Variants in PURG observed in about 807,000 individuals in gnomAD.
The protein encoded by PURG is purine-rich element-binding protein gamma.
Under a neutral mutation model 24.3 loss-of-function variants are expected in PURG, and 3 were observed. That is an observed-to-expected ratio of 0.12 (90% CI 0.06 to 0.32). PURG has a LOEUF of 0.32. PURG is among the 10% of genes least tolerant of loss of function. PURG has a pLI of 1.00. For missense variants in PURG, 371 were observed against 439.1 expected (o/e 0.84, Z 1.39); for synonymous variants, 180 against 173.1 (o/e 1.04, Z -0.31).
intron 1 of PURG, among the ~76,000 whole-genome samples, chr8:31,018,638 ATC>A (rs1265320406): frequency 6.6e-6 from 1 of 152,168 alleles, no homozygotes; most frequent in Non-Finnish European, 1.5e-5. Flanking sequence ...GTTTGTGACT[ATC>A]TCTGTTATGT....
exon 2 of PURG, chr8:30,996,600 T>A: frequency 2.5e-6 from 4 of 1,604,140 alleles, no homozygotes; most frequent in Non-Finnish European, 3.4e-6. Context: ...TCCTTATTCC[T>A]CAACTGTTTT....
chr8:31,017,878 T>C (rs1810907435), intron 1 of PURG, among the ~76,000 whole-genome samples: 1 of 152,220 alleles, frequency 6.6e-6, no homozygotes, highest in African/African-American at 2.4e-5. Flanking sequence ...GAATTTAATG[T>C]GAATTTTATA....
At chr8:31,010,181 C>T (rs1261156184) in intron 1 of PURG, among the ~76,000 whole-genome samples, 4 of 152,238 alleles carry the variant, frequency 2.6e-5, no homozygotes, top group Non-Finnish European at 4.4e-5. Context: ...ACTTATTATG[C>T]AAATGTAGTT....
intron 1 of PURG, among the ~76,000 whole-genome samples, chr8:31,003,818 A>T (rs1449495141): frequency 4.6e-5 from 7 of 152,152 alleles, no homozygotes. Context: ...TTTTTGTAAA[A>T]GTAAGAAAGT....
intron 1 of PURG, among the ~76,000 whole-genome samples, chr8:31,003,253 G>A (rs1014550579): frequency 2.0e-5 from 3 of 152,180 alleles, no homozygotes; most frequent in African/African-American, 4.8e-5. Context: ...GAAAAGGAAA[G>A]CACGTGTATT....
At chr8:31,005,813 C>T (rs1810636345) in intron 1 of PURG, among the ~76,000 whole-genome samples, 2 of 147,980 alleles carry the variant, frequency 1.4e-5, no homozygotes, top group South Asian at 2.1e-4. Context: ...CTTCAAATCA[C>T]CACATAGAGA....
chr8:31,020,666 T>C (rs149129636), intron 1 of PURG, among the ~76,000 whole-genome samples: 2 of 152,312 alleles, frequency 1.3e-5, no homozygotes, highest in African/African-American at 4.8e-5. Context: ...GGTCAACTTA[T>C]TAAAAAGTTG....
chr8:31,019,926 T>C (rs1481212038), intron 1 of PURG, among the ~76,000 whole-genome samples: 2 of 151,618 alleles, frequency 1.3e-5, no homozygotes, highest in Non-Finnish European at 1.5e-5. Flanking sequence ...ATCCCACCAC[T>C]TTGGGAGGCC....
chr8:31,032,329 G>A lies in PURG; in HGVS notation c.454C>T (p.His152Tyr), dbSNP rs781213690. Reference protein sequence around the residue: ...KEQGSRRRQKHSAPSPPVSVG... With the variant: ...KEQGSRRRQKYSAPSPPVSVG... ...GAGACTGGTGGGGAGGGTGCCGAGT[G>A]CTTCTGCCTCCTTCTGGAGCCTTGC... The change falls in exon 2 of 2, where the codon CAC (histidine) becomes TAC (tyrosine). Residue 152 changes from histidine to tyrosine, a missense_variant. This residue lies in a region of PURG where 213 missense variants were observed against 230.6 expected (regional missense o/e 0.92). Coordinates refer to ENST00000523392, the MANE Select transcript of PURG (RefSeq NM_001323311.2). The surrounding 1 kb of genome is among the most constrained non-coding windows in gnomAD (Gnocchi z 5.9). The A allele has an allele frequency of 2.5e-6, 4 of 1,613,024 alleles. No homozygotes were observed. In the South Asian group the frequency reaches 3.3e-5, roughly 13 times the overall value.
chr8:31,018,846 ATAT>A (rs1352748674), intron 1 of PURG, among the ~76,000 whole-genome samples: 1 of 151,978 alleles, frequency 6.6e-6, no homozygotes, highest in African/African-American at 2.4e-5. Flanking sequence ...ATAGTTATAG[ATAT>A]TATATAGATT....
chr8:31,029,132 G>T (rs117254693), downstream of PURG, among the ~76,000 whole-genome samples: 1,228 of 151,868 alleles, frequency 8.1e-3, 26 homozygotes, highest in East Asian at 0.069. Context: ...TTTTGAACTG[G>T]ATCATATTTA....
exon 2 of PURG, chr8:30,996,635 A>G: frequency 6.2e-7 from 1 of 1,612,210 alleles, no homozygotes; most frequent in Non-Finnish European, 8.5e-7. Context: ...GCTGTTCCTT[A>G]TGCTTGATTT....
chr8:31,021,819 T>C (rs1810996071), intron 1 of PURG, among the ~76,000 whole-genome samples: 1 of 152,158 alleles, frequency 6.6e-6, no homozygotes, highest in Non-Finnish European at 1.5e-5. Flanking sequence ...ATAGTAGCTA[T>C]AAGGGGCCCA....
At chr8:31,019,305 G>GT (rs1448159777) in intron 1 of PURG, among the ~76,000 whole-genome samples, 1 of 142,588 alleles carries the variant, frequency 7.0e-6, no homozygotes, top group Non-Finnish European at 1.5e-5. Context: ...GGCTCAATGA[G>GT]TGTTCAGGTG....
downstream of PURG, among the ~76,000 whole-genome samples, chr8:31,029,339 C>T (rs1360135394): frequency 6.6e-6 from 1 of 151,692 alleles, no homozygotes; most frequent in Admixed American, 6.6e-5. Context: ...TTGAAGTATA[C>T]ATACAAAGTA....
At chr8:31,025,848 G>GA (rs1811078573) in intron 1 of PURG, among the ~76,000 whole-genome samples, 1 of 151,720 alleles carries the variant, frequency 6.6e-6, no homozygotes, top group Non-Finnish European at 1.5e-5. Flanking sequence ...TTCCACCAGA[G>GA]AGACAGTTTA....
intron 1 of PURG, among the ~76,000 whole-genome samples, chr8:31,019,931 G>A (rs1233817505): frequency 1.3e-5 from 2 of 151,736 alleles, no homozygotes; most frequent in African/African-American, 4.8e-5. Flanking sequence ...ACCACTTTGG[G>A]AGGCCAAGGC....
At chr8:31,014,095 A>G (rs1810811304) in intron 1 of PURG, among the ~76,000 whole-genome samples, 1 of 152,234 alleles carries the variant, frequency 6.6e-6, no homozygotes, top group South Asian at 2.1e-4. Context: ...GCAGCAGATC[A>G]TTAAAAAAAT....
At chr8:31,024,250 T>C (rs536827057) in intron 1 of PURG, among the ~76,000 whole-genome samples, 1 of 152,272 alleles carries the variant, frequency 6.6e-6, no homozygotes, top group Admixed American at 6.5e-5. Context: ...TTGTTTTTAA[T>C]GTAAACAGAT....
Sources: allele counts gnomAD v4.1 joint callset (sites outside exome capture counted in the v4.1 genomes callset), GRCh38; gene constraint gnomAD v4.1.1; regional missense constraint gnomAD v4.1.1; non-coding constraint Gnocchi (gnomAD v3.1); transcripts MANE v1.5; gene names NCBI Gene and HGNC (gene_info 2026-07-23, HGNC 2026-07-21).